AKT3: variants seen among roughly 807,000 people sequenced by gnomAD.
AKT3 encodes the protein AKT serine/threonine kinase 3, also known as RAC-gamma serine/threonine-protein kinase.
In AKT3, 15 loss-of-function variants were observed where a neutral mutation model predicts 65.3. The ratio of observed to expected loss-of-function variants is 0.23; its 90% CI spans 0.15 to 0.35. AKT3 has a LOEUF of 0.35. AKT3 is among the 10% of genes least tolerant of loss of function. The pLI is 1.00. For missense variants in AKT3, 243 were observed against 576.5 expected, an observed-to-expected ratio of 0.42 and a Z score of 5.92; for synonymous variants, 206 against 183.8, an observed-to-expected ratio of 1.12 and a Z score of -0.98.
chr1:243,790,746 C>T (rs1029748445), intron 2 of AKT3, among the ~76,000 whole-genome samples: 1 of 152,118 alleles, frequency 6.6e-6, no homozygotes, highest in African/African-American at 2.4e-5. Context: ...TGTGATTGTT[C>T]CTTTCACTTG....
At chr1:243,781,818 G>C (rs1379807842) in intron 2 of AKT3, among the ~76,000 whole-genome samples, 1 of 152,054 alleles carries the variant, frequency 6.6e-6, no homozygotes, top group Admixed American at 6.5e-5. Context: ...TGGATTGATG[G>C]ATTTATTTAA....
intron 12 of AKT3, among the ~76,000 whole-genome samples, chr1:243,519,524 C>T (rs781562816): frequency 1.3e-4 from 20 of 152,088 alleles, no homozygotes; most frequent in Non-Finnish European, 2.8e-4. Flanking sequence ...GTGCTCAAGG[C>T]ATTTTGCTTA....
chr1:243,734,292 G>C (rs1438463335), intron 2 of AKT3, among the ~76,000 whole-genome samples: 1 of 152,144 alleles, frequency 6.6e-6, no homozygotes, highest in African/African-American at 2.4e-5. Context: ...AAAATATACA[G>C]TGTGAACTAT....
intron 12 of AKT3, among the ~76,000 whole-genome samples, chr1:243,534,829 G>A (rs538688962): frequency 6.6e-6 from 1 of 152,160 alleles, no homozygotes; most frequent in African/African-American, 2.4e-5. Context: ...GTGAGATACA[G>A]TTAAAATAAT....
intron 11 of AKT3, 59 bp downstream of exon 11, chr1:243,552,670 C>T: frequency 6.8e-7 from 1 of 1,460,050 alleles, no homozygotes; most frequent in Non-Finnish European, 9.6e-7. Context: ...AATTAATTTC[C>T]ATATCTCAAT....
rs1019538924 is a variant in AKT3, at chr1:243,523,259, G to A, written c.1252-10833C>T. ...TTGAAGCTCTGGCTCCAAAAAGGAC[G>A]AACACACACACACACACACACACAC... On this transcript the variant is annotated intron_variant, in intron 12 of 13. Transcript: ENST00000673466. Among the ~76,000 whole-genome samples, 76 of 89,156 alleles carry A rather than the reference G, an allele frequency of 8.5e-4. 4 individuals carry two copies. In the South Asian group the frequency reaches 0.032, roughly 38 times the overall value. 58.5% of individuals were successfully genotyped at this position (89,156 alleles called of 152,430 possible).
At chr1:243,821,926 T>C (rs1000476441) in intron 2 of AKT3, among the ~76,000 whole-genome samples, 1 of 152,192 alleles carries the variant, frequency 6.6e-6, no homozygotes, top group Non-Finnish European at 1.5e-5. Flanking sequence ...CTGGATCAAC[T>C]GGACCTGATA....
rs1055451327 is a variant in AKT3, at chr1:243,750,431, ACACG to A, written c.47-54719_47-54716del. Among the ~76,000 whole-genome samples, 6 of 147,450 alleles carry A rather than the reference ACACG, an allele frequency of 4.1e-5. No homozygotes were observed. In the East Asian group the frequency reaches 5.9e-4, roughly 15 times the overall value. Reference sequence around the variant, plus strand: ...TATACACACACACACACACACACACACACGCACGCACGCACACACGGTATTTTAC... The same window carrying A: ...TATACACACACACACACACACACACACACGCACGCACACACGGTATTTTAC... On this transcript the variant is annotated intron_variant, in intron 2 of 13. Coordinates refer to ENST00000673466, the MANE Select transcript of AKT3 (RefSeq NM_005465.7).
At chr1:243,836,029 C>A (rs959095215) in intron 2 of AKT3, among the ~76,000 whole-genome samples, 1 of 151,986 alleles carries the variant, frequency 6.6e-6, no homozygotes, top group Admixed American at 6.6e-5. Flanking sequence ...ACAGAAAACT[C>A]AATCATATCA....
chr1:243,696,457 A>G (rs1685071466), intron 2 of AKT3, among the ~76,000 whole-genome samples: 1 of 151,960 alleles, frequency 6.6e-6, no homozygotes, highest in African/African-American at 2.4e-5. Flanking sequence ...CTACATTACA[A>G]TTTGCTTACC....
rs139601513 is a variant in AKT3 at position 243,727,083 on chromosome 1, A to G, written c.47-31367T>C. 2.4e-3 allele frequency among the ~76,000 whole-genome samples: 359 copies of G among 152,370 alleles called. 2 individuals are homozygous for G. Among genetic ancestry groups the G allele is most frequent in the Non-Finnish European group, 4.2e-3 (288 of 68,032 alleles). ...TGACAGAAAATGAGCAATTCACACA[A>G]GCATAAATGTGAAACATTAACATTT... is the stretch of plus-strand genomic sequence containing the variant. On this transcript the variant is annotated intron_variant, in intron 2 of 13. Coordinates refer to ENST00000673466, the MANE Select transcript of AKT3 (RefSeq NM_005465.7).
chr1:243,790,684 T>C (rs966698667), intron 2 of AKT3, among the ~76,000 whole-genome samples: 16 of 152,208 alleles, frequency 1.1e-4, no homozygotes, highest in Non-Finnish European at 2.1e-4. Flanking sequence ...GCTTTCAACA[T>C]AGCTTCCTCA....
chr1:243,842,591 TAC>T (rs1695311990), intron 2 of AKT3, among the ~76,000 whole-genome samples: 1 of 152,152 alleles, frequency 6.6e-6, no homozygotes, highest in Non-Finnish European at 1.5e-5. Flanking sequence ...AACATAAACA[TAC>T]ACACACAAAA....
intron 8 of AKT3, among the ~76,000 whole-genome samples, chr1:243,596,321 G>T (rs1323360275): frequency 6.6e-6 from 1 of 152,104 alleles, no homozygotes; most frequent in Non-Finnish European, 1.5e-5. Context: ...GCTACAGTCT[G>T]GAAGAAACCA....
chr1:243,567,414 C>T (rs1397111809), intron 9 of AKT3, among the ~76,000 whole-genome samples: 4 of 151,896 alleles, frequency 2.6e-5, no homozygotes. Flanking sequence ...CTCAACTGAT[C>T]CTCCCACCTC....
intron 8 of AKT3, among the ~76,000 whole-genome samples, chr1:243,599,856 A>G (rs897514590): frequency 6.6e-6 from 1 of 152,110 alleles, no homozygotes; most frequent in Non-Finnish European, 1.5e-5. Context: ...AAATGTACAC[A>G]TATTAGAAAA....
chr1:243,534,855 T>C (rs1174698556), intron 12 of AKT3, among the ~76,000 whole-genome samples: 1 of 152,138 alleles, frequency 6.6e-6, no homozygotes, highest in Non-Finnish European at 1.5e-5. Flanking sequence ...GAGGAAAATT[T>C]ATAGCATTGA....
chr1:243,693,283 T>TATAC, intron 3 of AKT3, among the ~76,000 whole-genome samples: 1 of 111,280 alleles, frequency 9.0e-6, no homozygotes, highest in South Asian at 3.2e-4. Context: ...TATATATATA[T>TATAC]ATATATATAT....
chr1:243,821,531 A>G (rs1311584329), intron 2 of AKT3, among the ~76,000 whole-genome samples: 1 of 152,204 alleles, frequency 6.6e-6, no homozygotes, highest in African/African-American at 2.4e-5. Context: ...GCTGTATTCA[A>G]GAGACCCATC....
Sources: gnomAD v4.1 joint callset for allele counts (sites outside exome capture counted in the v4.1 genomes callset) on GRCh38, gnomAD v4.1.1 for gene constraint, MANE v1.5 for transcripts, NCBI Gene and HGNC (gene_info 2026-07-23, HGNC 2026-07-21) for gene names.